The following DEFB132 variants were observed in gnomAD, a reference collection of about 807,000 sequenced individuals.
DEFB132 encodes beta-defensin 132.
Under a neutral mutation model 2.5 loss-of-function variants are expected in DEFB132, and 5 were observed. The ratio of observed to expected loss-of-function variants is 2.00; its 90% CI spans 1.04 to 4.20. The LOEUF is 4.20. Ranked by LOEUF, DEFB132 falls within the 30% of genes most tolerant of loss-of-function variation. The pLI, the probability that DEFB132 is intolerant of heterozygous loss-of-function variation, is 0.00. For missense variants in DEFB132, 112 were observed against 110.0 expected, an observed-to-expected ratio of 1.02 and a Z score of -0.08; for synonymous variants, 53 against 46.2, an observed-to-expected ratio of 1.15 and a Z score of -0.60.
At position 259,479 on chromosome 20, in the gene DEFB132, GT is replaced by G. The variant is rs2011618123; in HGVS notation, c.*176del. 1.0e-5 allele frequency: 7 copies of G among 675,648 alleles called. No homozygotes were observed. Among genetic ancestry groups the G allele is most frequent in the Non-Finnish European group, 1.7e-5 (7 of 404,212 alleles). 41.9% of individuals were successfully genotyped at this position (675,648 alleles called of 1,614,324 possible). On this transcript the variant is annotated 3_prime_UTR_variant, in exon 2 of 2. Transcript: ENST00000382376. ...TCATTCATCTAGTAACTAATTTGGA[GT>G]TTGTATCTATCTTACGAGAACAATC...
intron 1 of DEFB132, among the ~76,000 whole-genome samples, chr20:258,114 T>G (rs575451606): frequency 1.3e-5 from 2 of 152,356 alleles, no homozygotes; most frequent in African/African-American, 4.8e-5. Flanking sequence ...GTGAGCTCCT[T>G]ATATCTAACC....
At position 259,381 on chromosome 20, in the gene DEFB132, T is replaced by C. The variant is rs185684776; in HGVS notation, c.*75T>C. ...TTCCAATTCCTCCTACATTGCTGAG[T>C]ACTAGCCAAGGCTCCTCTTTATGGG... On this transcript the variant is annotated 3_prime_UTR_variant, in exon 2 of 2. Transcript: ENST00000382376. The C allele has an allele frequency of 6.6e-7, 1 of 1,510,650 alleles. No individual in the cohort carries two copies. Among genetic ancestry groups the C allele is most frequent in the Non-Finnish European group, 9.0e-7 (1 of 1,113,338 alleles). 93.6% of individuals were successfully genotyped at this position (1,510,650 alleles called of 1,614,324 possible). A position where few individuals can be genotyped will look rare whatever the true frequency, so the allele number is the denominator to read the frequency against.
rs147196160 is a variant in DEFB132, at chr20:259,305, A to C, written c.287A>C (p.Ter96SerextTer1). ...DKKQQTTVTS* is the reference protein window; with the variant it reads ...DKKQQTTVTSS Reference sequence around the variant, plus strand: ...AAGCAACAAACGACCGTAACATCATAATAACCACTGCTATCGCCTCCACCA... The same window carrying C: ...AAGCAACAAACGACCGTAACATCATCATAACCACTGCTATCGCCTCCACCA... The change falls in exon 2 of 2, where the codon TAA becomes TCA. Residue 96 changes from the stop codon to serine, a stop_lost. Coordinates refer to ENST00000382376, the MANE Select transcript of DEFB132 (RefSeq NM_207469.3). The C allele has an allele frequency of 1.5e-3, 2,423 of 1,613,966 alleles. 2 individuals are homozygous for C. Among genetic ancestry groups the C allele is most frequent in the Non-Finnish European group, 1.7e-3 (1,962 of 1,179,942 alleles).
At position 259,303 on chromosome 20, in the gene DEFB132, A is replaced by G; in HGVS notation, c.285A>G (p.Ser95=). Residue 95 remains serine, a synonymous_variant, in exon 2 of 2, where the codon TCA becomes TCG. Transcript: ENST00000382376. ...KDKKQQTTVT[S] is the part of the protein sequence containing the mutation. ...AGAAGCAACAAACGACCGTAACATC[A>G]TAATAACCACTGCTATCGCCTCCAC... is the stretch of plus-strand genomic sequence containing the variant. 6 of 1,614,014 alleles carry G rather than the reference A, an allele frequency of 3.7e-6. No homozygotes were observed. The highest frequency in any genetic ancestry group is 1.1e-5 in the South Asian group (1 of 91,074).
chr20:257,746 C>G lies in DEFB132; in HGVS notation c.-33C>G. The G allele has an allele frequency of 6.2e-7, 1 of 1,602,040 alleles. No homozygotes were observed. The highest frequency in any genetic ancestry group is 8.5e-7 in the Non-Finnish European group (1 of 1,171,328). On this transcript the variant is annotated 5_prime_UTR_variant, in exon 1 of 2. Transcript: ENST00000382376. ...TACAGAGGGACCCAACTCCATTAAA[C>G]CACCACCAGCTCCCCAAGCCACCCC...
Position 259,139 on chromosome 20 carries a change from T to A in DEFB132, c.121T>A (p.Trp41Arg). The A allele has an allele frequency of 6.2e-7, 1 of 1,614,154 alleles. No individual in the cohort carries two copies. Among genetic ancestry groups the A allele is most frequent in the Non-Finnish European group, 8.5e-7 (1 of 1,180,026 alleles). ...AGGATACTGCAGGACATGTTGCCAC[T>A]GGGGGGAGACAGCATTGTTCATGTG... is the stretch of plus-strand genomic sequence containing the variant. ...TPGYCRTCCH[W>R]GETALFMCNA... Residue 41 changes from tryptophan (W) to arginine (R), a missense_variant, in exon 2 of 2, where the codon TGG (tryptophan) becomes AGG (arginine). Coordinates refer to ENST00000382376, the MANE Select transcript of DEFB132 (RefSeq NM_207469.3).
chr20:259,516 T>C lies in DEFB132; in HGVS notation c.*210T>C. The C allele has an allele frequency of 1.7e-6, 1 of 588,296 alleles. No individual in the cohort carries two copies. Among genetic ancestry groups the C allele is most frequent in the Non-Finnish European group, 3.0e-6 (1 of 334,664 alleles). 36.4% of individuals were successfully genotyped at this position (588,296 alleles called of 1,614,324 possible). A position where few individuals can be genotyped will look rare whatever the true frequency, so the allele number is the denominator to read the frequency against. ...CTTACGAGAACAATCATCATGCAGATTCGTCCACAGGGGATCTGTCAGTTT... is the reference window on the plus strand; with the variant it reads ...CTTACGAGAACAATCATCATGCAGACTCGTCCACAGGGGATCTGTCAGTTT... On this transcript the variant is annotated 3_prime_UTR_variant, in exon 2 of 2. Coordinates refer to ENST00000382376, the MANE Select transcript of DEFB132 (RefSeq NM_207469.3).
At position 259,125 on chromosome 20, in the gene DEFB132, G is replaced by A. The variant is rs774619529; in HGVS notation, c.107G>A (p.Arg36Lys). 4.3e-6 allele frequency: 7 copies of A among 1,614,196 alleles called. No homozygotes were observed. The highest frequency in any genetic ancestry group is 5.9e-6 in the Non-Finnish European group (7 of 1,180,040). Residue 36 changes from arginine to lysine, a missense_variant, in exon 2 of 2, where the codon AGG becomes AAG. Coordinates refer to ENST00000382376, the MANE Select transcript of DEFB132 (RefSeq NM_207469.3). Reference protein sequence around the residue: ...KCVSNTPGYCRTCCHWGETAL... With the variant: ...KCVSNTPGYCKTCCHWGETAL... ...GTGAGTAACACCCCAGGATACTGCAGGACATGTTGCCACTGGGGGGAGACA... is the reference window on the plus strand; with the variant it reads ...GTGAGTAACACCCCAGGATACTGCAAGACATGTTGCCACTGGGGGGAGACA...
intron 1 of DEFB132, among the ~76,000 whole-genome samples, chr20:258,081 C>A (rs1043579919): frequency 6.6e-6 from 1 of 152,148 alleles, no homozygotes; most frequent in East Asian, 1.9e-4. Context: ...CAACCTAAAC[C>A]AAAATATCTT....
At position 259,484 on chromosome 20, in the gene DEFB132, T is replaced by C. The variant is rs1322508959; in HGVS notation, c.*178T>C. ...CATCTAGTAACTAATTTGGAGTTTG[T>C]ATCTATCTTACGAGAACAATCATCA... On this transcript the variant is annotated 3_prime_UTR_variant, in exon 2 of 2. Coordinates refer to ENST00000382376, the MANE Select transcript of DEFB132 (RefSeq NM_207469.3). The C allele has an allele frequency of 3.8e-5, 25 of 663,764 alleles. No homozygotes were observed. Among genetic ancestry groups the C allele is most frequent in the Non-Finnish European group, 6.1e-5 (24 of 394,350 alleles). The allele number at this position is 663,764 out of a possible 1,614,324, so 41.1% of individuals were successfully genotyped here.
At chr20:259,011 C>G (rs1233420101) in intron 1 of DEFB132, 66 bp from the exon 2 acceptor site, 53 of 1,528,000 alleles carry the variant, frequency 3.5e-5, no homozygotes, top group Non-Finnish European at 2.0e-5. Flanking sequence ...CCATCTGGCG[C>G]TGACGCTTTA....
Position 259,181 on chromosome 20 carries a change from T to C in DEFB132, c.163T>C (p.Cys55Arg). The C allele has an allele frequency of 6.2e-7, 1 of 1,614,166 alleles. No individual in the cohort carries two copies. Among genetic ancestry groups the C allele is most frequent in the Admixed American group, 1.7e-5 (1 of 60,012 alleles). ...ALFMCNASRK[C>R]CISYSFLPKP... Reference sequence around the variant, plus strand: ...GTTCATGTGCAACGCTTCCAGAAAATGCTGCATCAGCTACTCCTTCCTGCC... The same window carrying C: ...GTTCATGTGCAACGCTTCCAGAAAACGCTGCATCAGCTACTCCTTCCTGCC... Residue 55 changes from cysteine to arginine, a missense_variant, in exon 2 of 2, where the codon TGC becomes CGC. Cys to Arg is a radical substitution (Grantham distance 180). Coordinates refer to ENST00000382376, the MANE Select transcript of DEFB132 (RefSeq NM_207469.3).
Position 260,875 on chromosome 20 carries a change from T to G in DEFB132, c.*1569T>G, listed in dbSNP as rs2011637244. 1 of 152,336 alleles carries G rather than the reference T, an allele frequency of 6.6e-6. No individual in the cohort carries two copies. The highest frequency in any genetic ancestry group is 6.5e-5 in the Admixed American group (1 of 15,296). 9.4% of individuals were successfully genotyped at this position (152,336 alleles called of 1,614,324 possible). A position where few individuals can be genotyped will look rare whatever the true frequency, so the allele number is the denominator to read the frequency against. The stretch of plus-strand genomic sequence containing the variant: ...CAGAACTCATGTAAGAATAAATTGA[T>G]TAGGTGGTATTAAATATTAAGTTCT... On this transcript the variant is annotated 3_prime_UTR_variant, in exon 2 of 2. Coordinates refer to ENST00000382376, the MANE Select transcript of DEFB132 (RefSeq NM_207469.3).
chr20:258,182 G>A (rs1029738288), intron 1 of DEFB132, among the ~76,000 whole-genome samples: 2 of 152,270 alleles, frequency 1.3e-5, no homozygotes, highest in East Asian at 1.9e-4. Flanking sequence ...AGATCAGCCC[G>A]GGTTGGAGCT....
In DEFB132 at chr20:259,085, G is replaced by A. The variant is rs376569626; in HGVS notation, c.67G>A (p.Gly23Ser). The change falls in exon 2 of 2, where the codon GGT (glycine) becomes AGT (serine). Residue 23 changes from glycine (G) to serine (S), a missense_variant. Physicochemically the swap from Gly to Ser is moderately conservative, Grantham distance 56. Transcript: ENST00000382376. ...FLTQVIPASA[G>S]GSKCVSNTPG... is the part of the protein sequence containing the mutation. ...TGTCCTCTCCCATACAGCCAGTGCA[G>A]GTGGGTCAAAATGTGTGAGTAACAC... 8 of 1,614,072 alleles carry A rather than the reference G, an allele frequency of 5.0e-6. No homozygotes were observed. Among genetic ancestry groups the A allele is most frequent in the African/African-American group, 1.3e-5 (1 of 74,922 alleles).
Position 257,889 on chromosome 20 carries a change from T to A in DEFB132, c.58+53T>A, listed in dbSNP as rs412143. The A allele has an allele frequency of 3.8e-4, 597 of 1,567,346 alleles. 1 individual carries two copies. The highest frequency in any genetic ancestry group is 5.0e-4 in the Non-Finnish European group (571 of 1,143,816). ...AAACTGGGAACGAGGAACACTAGCA[T>A]ATCTGGTTGCTCTGGTGATAGATGA... On this transcript the variant is annotated intron_variant, in intron 1 of 1. Coordinates refer to ENST00000382376, the MANE Select transcript of DEFB132 (RefSeq NM_207469.3).
Position 258,948 on chromosome 20 carries a change from C to G in DEFB132, c.59-129C>G, listed in dbSNP as rs1327948659. ...CTCCTCATCACTGGCTTTCCCAAGT[C>G]TCATTTGCACAACATCCTAAGGATA... On this transcript the variant is annotated intron_variant, in intron 1 of 1. Transcript: ENST00000382376. 3 of 872,236 alleles carry G rather than the reference C, an allele frequency of 3.4e-6. No homozygotes were observed. In the East Asian group the frequency reaches 8.0e-5, roughly 23 times the overall value. 54.0% of individuals were successfully genotyped at this position (872,236 alleles called of 1,614,324 possible). A position where few individuals can be genotyped will look rare whatever the true frequency, so the allele number is the denominator to read the frequency against.
At position 257,729 on chromosome 20, in the gene DEFB132, G is replaced by T; in HGVS notation, c.-50G>T. ...AGTAGCTCCAAGCACATTACAGAGG[G>T]ACCCAACTCCATTAAACCACCACCA... On this transcript the variant is annotated 5_prime_UTR_variant, in exon 1 of 2. Coordinates refer to ENST00000382376, the MANE Select transcript of DEFB132 (RefSeq NM_207469.3). The T allele has an allele frequency of 1.9e-6, 3 of 1,575,000 alleles. No homozygotes were observed. Among genetic ancestry groups the T allele is most frequent in the South Asian group, 1.1e-5 (1 of 88,882 alleles).
Position 260,573 on chromosome 20 carries a change from T to G in DEFB132, c.*1267T>G, listed in dbSNP as rs2011632948. 6.6e-6 allele frequency: 1 copy of G among 152,210 alleles called. No homozygotes were observed. The highest frequency in any genetic ancestry group is 2.1e-4 in the South Asian group (1 of 4,834). 9.4% of individuals were successfully genotyped at this position (152,210 alleles called of 1,614,324 possible). A position where few individuals can be genotyped will look rare whatever the true frequency, so the allele number is the denominator to read the frequency against. ...GCATAAATTTCCTCTTACAGTTCGA[T>G]GCCCATTAGTTTTATATAACATTTA... is the stretch of plus-strand genomic sequence containing the variant. On this transcript the variant is annotated 3_prime_UTR_variant, in exon 2 of 2. Transcript: ENST00000382376.
Sources: gnomAD v4.1 joint callset for allele counts (sites outside exome capture counted in the v4.1 genomes callset) on GRCh38, gnomAD v4.1.1 for gene constraint, MANE v1.5 for transcripts, NCBI Gene and HGNC (gene_info 2026-07-23, HGNC 2026-07-21) for gene names.